The following SLC30A8 variants were observed in gnomAD, a reference collection of about 807,000 sequenced individuals.
SLC30A8 encodes the protein solute carrier family 30 member 8, also known as proton-coupled zinc antiporter SLC30A8.
In SLC30A8, 27 loss-of-function variants were observed where a neutral mutation model predicts 36.9. That is an observed-to-expected ratio of 0.73 (90% CI 0.54 to 1.01). The LOEUF (loss-of-function observed/expected upper bound fraction) is 1.01, where lower values mean the gene tolerates loss of function less well. SLC30A8 is among the 50% of genes least tolerant of loss of function. The pLI, the probability that SLC30A8 is intolerant of heterozygous loss-of-function variation, is 0.00. For synonymous variants in SLC30A8, 164 were observed against 172.4 expected, an observed-to-expected ratio of 0.95 and a Z score of 0.38; for missense variants, 439 against 452.0, an observed-to-expected ratio of 0.97 and a Z score of 0.26.
intron 1 of SLC30A8, among the ~76,000 whole-genome samples, chr8:116,991,716 G>A (rs16889334): frequency 0.021 from 3,180 of 152,238 alleles, 100 homozygotes; most frequent in African/African-American, 0.071. Flanking sequence ...CAATAGATAA[G>A]TAAATTCAGA....
Position 117,163,461 on chromosome 8 carries a change from A to G in SLC30A8, c.760A>G (p.Ile254Val). ...AATAGCCGACCCAATCTGCACATTC[A>G]TCTTTTCCATCCTGGTCTTGGCCAG... ...YKIADPICTF[I>V]FSILVLASTI... Residue 254 changes from isoleucine to valine, a missense_variant, in exon 6 of 8, where the codon ATC becomes GTC. Ile to Val is a conservative substitution (Grantham distance 29). Transcript: ENST00000456015. 1 of 1,613,618 alleles carries G rather than the reference A, an allele frequency of 6.2e-7. No individual in the cohort carries two copies. Among genetic ancestry groups the G allele is most frequent in the Non-Finnish European group, 8.5e-7 (1 of 1,179,744 alleles).
At chr8:117,090,953 G>A (rs991072870) in intron 2 of SLC30A8, among the ~76,000 whole-genome samples, 1 of 152,190 alleles carries the variant, frequency 6.6e-6, no homozygotes, top group Non-Finnish European at 1.5e-5. Context: ...GACATATAAA[G>A]TAGGTGTTCA....
At position 117,174,228 on chromosome 8, in the gene SLC30A8, G is replaced by A. The variant is rs1823551189; in HGVS notation, c.*1547G>A. 1 of 152,120 alleles carries A rather than the reference G, an allele frequency of 6.6e-6. No homozygotes were observed. The highest frequency in any genetic ancestry group is 2.1e-4 in the South Asian group (1 of 4,824). 9.4% of individuals were successfully genotyped at this position (152,120 alleles called of 1,614,324 possible). On this transcript the variant is annotated 3_prime_UTR_variant, in exon 8 of 8. Transcript: ENST00000456015. ...CTAGCAAGGTACTAGAAACCTAGCA[G>A]GCATTAATAATTGTTGAGGCAATGA...
chr8:117,163,679 G>T (rs886403231), intron 6 of SLC30A8, 149 bp downstream of exon 6: 2 of 612,076 alleles, frequency 3.3e-6, no homozygotes, highest in Non-Finnish European at 5.4e-6. Flanking sequence ...ACAATCATTT[G>T]ATTTTTTTTC....
At chr8:117,019,612 C>A (rs1275543123) in intron 1 of SLC30A8, among the ~76,000 whole-genome samples, 1 of 152,134 alleles carries the variant, frequency 6.6e-6, no homozygotes, top group Non-Finnish European at 1.5e-5. Flanking sequence ...TTCTTGAGGG[C>A]AAGAAATGGA....
rs374670777 is a variant in SLC30A8, at chr8:117,172,599, C to T, written c.1028C>T (p.Thr343Met). Residue 343 changes from threonine (T) to methionine (M), a missense_variant, in exon 8 of 8, where the codon ACG becomes ATG. Transcript: ENST00000456015. ...EIAKALSKSF[T>M]MHSLTIQMES... is the part of the protein sequence containing the mutation. Reference sequence around the variant, plus strand: ...GCTAAAGCCCTTAGCAAAAGCTTTACGATGCACTCACTCACCATTCAGATG... The same window carrying T: ...GCTAAAGCCCTTAGCAAAAGCTTTATGATGCACTCACTCACCATTCAGATG... 7.4e-6 allele frequency: 12 copies of T among 1,613,630 alleles called. No homozygotes were observed. Among genetic ancestry groups the T allele is most frequent in the African/African-American group, 5.3e-5 (4 of 74,898 alleles).
intron 1 of SLC30A8, among the ~76,000 whole-genome samples, chr8:116,974,029 T>A (rs1049649645): frequency 2.0e-5 from 3 of 152,006 alleles, no homozygotes; most frequent in Non-Finnish European, 4.4e-5. Flanking sequence ...ACCTTATACA[T>A]AAATTAATTC....
chr8:117,172,538 G>A lies in SLC30A8; in HGVS notation c.967G>A (p.Ala323Thr). ...VILSAHVATA[A>T]SRDSQVVRRE... is the part of the protein sequence containing the mutation. ...TCCCTGTGCTTCTTTATCAACAGCA[G>A]CCAGCCGGGACAGCCAAGTGGTTCG... The change falls in exon 8 of 8, where the codon GCC becomes ACC. Residue 323 changes from alanine to threonine, a missense_variant and splice_region_variant. By Grantham distance (58) the Ala-to-Thr change is moderately conservative. Coordinates refer to ENST00000456015, the MANE Select transcript of SLC30A8 (RefSeq NM_173851.3). The A allele has an allele frequency of 6.2e-7, 1 of 1,613,624 alleles. No homozygotes were observed. The highest frequency in any genetic ancestry group is 8.5e-7 in the Non-Finnish European group (1 of 1,179,664).
At position 117,112,526 on chromosome 8, in the gene SLC30A8, C is replaced by T. The variant is rs1258235487; in HGVS notation, c.-225-22754C>T. On this transcript the variant is annotated intron_variant, in intron 2 of 10. Coordinates refer to the SLC30A8 transcript ENST00000427715. ...TGAGCTGGGAGGGAGAAAGCCCCGG[C>T]TCTAATTTCAGCTCTGCCGGAGAGA... 3.9e-5 allele frequency among the ~76,000 whole-genome samples: 6 copies of T among 152,220 alleles called. No homozygotes were observed. The East Asian group carries it at 1.2e-3, about 30-fold the overall frequency.
chr8:117,071,222 TG>T (rs71569712), intron 2 of SLC30A8, among the ~76,000 whole-genome samples: 15,659 of 152,156 alleles, frequency 0.1, 944 homozygotes, highest in East Asian at 0.14. Context: ...TCCATTTTTT[TG>T]TTGTTGTTGA....
intron 2 of SLC30A8, among the ~76,000 whole-genome samples, chr8:117,121,320 A>AG (rs1196857991): frequency 5.3e-5 from 8 of 152,080 alleles, no homozygotes; most frequent in African/African-American, 1.9e-4. Context: ...TTAAAAAGGA[A>AG]GGGGATCCTG....
intron 1 of SLC30A8, among the ~76,000 whole-genome samples, chr8:117,015,224 A>C (rs1816477393): frequency 6.6e-6 from 1 of 152,100 alleles, no homozygotes; most frequent in East Asian, 1.9e-4. Flanking sequence ...TATGTTCTAC[A>C]CCACATAGAG....
intron 2 of SLC30A8, among the ~76,000 whole-genome samples, chr8:117,084,590 A>T (rs1818799219): frequency 6.6e-6 from 1 of 152,152 alleles, no homozygotes; most frequent in African/African-American, 2.4e-5. Flanking sequence ...CTTAGGAAGC[A>T]CCACTTTTAC....
At chr8:117,042,454 A>C (rs1817413266) in intron 2 of SLC30A8, among the ~76,000 whole-genome samples, 1 of 152,186 alleles carries the variant, frequency 6.6e-6, no homozygotes, top group African/African-American at 2.4e-5. Flanking sequence ...TGCCTAAATC[A>C]GACTGGATTT....
At chr8:117,063,695 TAGAG>T (rs1818086126) in intron 2 of SLC30A8, among the ~76,000 whole-genome samples, 2 of 152,170 alleles carry the variant, frequency 1.3e-5, no homozygotes, top group Non-Finnish European at 2.9e-5. Context: ...GCACACAATA[TAGAG>T]AAAGTTCTGG....
chr8:117,136,424 T>C (rs1364732366), intron 1 of SLC30A8, among the ~76,000 whole-genome samples: 1 of 151,950 alleles, frequency 6.6e-6, no homozygotes, highest in Non-Finnish European at 1.5e-5. Context: ...TTTAAGAGAA[T>C]ACTTGCCCAT....
Position 117,100,340 on chromosome 8 carries a change from A to T in SLC30A8, c.-225-34940A>T, listed in dbSNP as rs189317249. On this transcript the variant is annotated intron_variant, in intron 2 of 10. Coordinates refer to the SLC30A8 transcript ENST00000427715. ...ATATTTGAACCATGCTCTTTTAATT[A>T]TCTGGTACTTTCTCCATAAAAGTAT... Among the ~76,000 whole-genome samples the T allele has an allele frequency of 2.6e-4, 39 of 152,318 alleles. No individual in the cohort carries two copies. The East Asian group carries it at 7.1e-3, about 28-fold the overall frequency.
chr8:117,168,261 C>T (rs1563640595), intron 6 of SLC30A8, among the ~76,000 whole-genome samples: 1 of 151,688 alleles, frequency 6.6e-6, no homozygotes, highest in South Asian at 2.1e-4. Flanking sequence ...ATTTCTTTCC[C>T]CTCAACAGCA....
chr8:116,982,889 G>A (rs1815323105), intron 1 of SLC30A8, among the ~76,000 whole-genome samples: 1 of 152,128 alleles, frequency 6.6e-6, no homozygotes, highest in Non-Finnish European at 1.5e-5. Context: ...TTGTGTGCTT[G>A]TGTATTTGTG....
Sources: gnomAD v4.1 joint callset for allele counts (sites outside exome capture counted in the v4.1 genomes callset) on GRCh38, gnomAD v4.1.1 for gene constraint, MANE v1.5 for transcripts, NCBI Gene and HGNC (gene_info 2026-07-23, HGNC 2026-07-21) for gene names.